VPS13B: variants seen among roughly 807,000 people sequenced by gnomAD.
The protein encoded by VPS13B is vacuolar protein sorting 13 homolog B.
Under a neutral mutation model 426.4 loss-of-function variants are expected in VPS13B, and 285 were observed. That is an observed-to-expected ratio of 0.67 (90% CI 0.61 to 0.74). VPS13B has a LOEUF of 0.74. VPS13B is among the 30% of genes least tolerant of loss of function. VPS13B has a pLI of 0.00. For missense variants in VPS13B, 4,537 were observed against 4,782.6 expected (o/e 0.95, Z 1.51); for synonymous variants, 1,676 against 1,676.4 (o/e 1.00, Z 0.01).
At chr8:99,537,253 G>A (rs1000972532) in intron 30 of VPS13B, among the ~76,000 whole-genome samples, 1 of 152,068 alleles carries the variant, frequency 6.6e-6, no homozygotes, top group Non-Finnish European at 1.5e-5. Flanking sequence ...CCAAGTTAAA[G>A]TATAGGCATG....
intron 19 of VPS13B, among the ~76,000 whole-genome samples, chr8:99,320,390 A>G (rs1809913984): frequency 1.3e-5 from 2 of 152,176 alleles, no homozygotes; most frequent in African/African-American, 2.4e-5. Context: ...ATACAACATC[A>G]GTAATTTCTT....
At chr8:99,858,048 C>T (rs1288014606) in intron 56 of VPS13B, among the ~76,000 whole-genome samples, 3 of 152,212 alleles carry the variant, frequency 2.0e-5, no homozygotes, top group South Asian at 4.1e-4. Flanking sequence ...CCCCTCAGAT[C>T]GCTGAGCTGA....
At chr8:99,151,343 G>C (rs1326621901) in intron 14 of VPS13B, among the ~76,000 whole-genome samples, 1 of 151,968 alleles carries the variant, frequency 6.6e-6, no homozygotes, top group African/African-American at 2.4e-5. Context: ...TAATTTTCCT[G>C]TATTTTGCAG....
chr8:99,342,137 A>G (rs537309732), intron 19 of VPS13B, among the ~76,000 whole-genome samples: 2 of 152,362 alleles, frequency 1.3e-5, no homozygotes, highest in East Asian at 1.9e-4. Flanking sequence ...TCATAATTGT[A>G]TACATATATG....
chr8:99,151,091 T>C (rs893403370), intron 14 of VPS13B, among the ~76,000 whole-genome samples: 1 of 149,690 alleles, frequency 6.7e-6, no homozygotes, highest in Non-Finnish European at 1.5e-5. Flanking sequence ...ACATGTGTAA[T>C]GGTGTCTTAT....
chr8:99,761,055 G>C (rs1023572663), intron 39 of VPS13B, among the ~76,000 whole-genome samples: 1 of 152,006 alleles, frequency 6.6e-6, no homozygotes, highest in Non-Finnish European at 1.5e-5. Flanking sequence ...CTTATAATGG[G>C]AAAAAAGAAT....
Position 99,384,197 on chromosome 8 carries a change from T to G in VPS13B, c.2825-11T>G. On this transcript the variant is annotated splice_polypyrimidine_tract_variant and intron_variant, in intron 19 of 61. Transcript: ENST00000357162. ...GGACTTATGTAACAGTTTAAAAATCTTGTCTTTTAGGTGCTGTACTTCTTT... is the reference window on the plus strand; with the variant it reads ...GGACTTATGTAACAGTTTAAAAATCGTGTCTTTTAGGTGCTGTACTTCTTT... The G allele has an allele frequency of 6.2e-7, 1 of 1,608,948 alleles. No homozygotes were observed. Among genetic ancestry groups the G allele is most frequent in the Non-Finnish European group, 8.5e-7 (1 of 1,175,472 alleles).
intron 17 of VPS13B, among the ~76,000 whole-genome samples, chr8:99,196,577 T>C (rs992709568): frequency 2.0e-5 from 3 of 150,988 alleles, no homozygotes; most frequent in Non-Finnish European, 4.4e-5. Flanking sequence ...GTAACTGAGA[T>C]TATAGGCACG....
intron 8 of VPS13B, among the ~76,000 whole-genome samples, chr8:99,128,456 G>A (rs1489943976): frequency 2.2e-5 from 3 of 135,028 alleles, no homozygotes; most frequent in African/African-American, 8.4e-5. Flanking sequence ...CTTAGAAATT[G>A]CCTGGTATGT....
chr8:99,318,180 C>G (rs1351122246), intron 19 of VPS13B, among the ~76,000 whole-genome samples: 1 of 152,026 alleles, frequency 6.6e-6, no homozygotes, highest in Non-Finnish European at 1.5e-5. Context: ...TATAAACAAC[C>G]AAAAGACTAT....
intron 39 of VPS13B, among the ~76,000 whole-genome samples, chr8:99,763,492 C>T (rs1030682681): frequency 3.9e-5 from 6 of 152,176 alleles, no homozygotes; most frequent in Admixed American, 3.9e-4. Context: ...ATAACTATAA[C>T]ATGAAGTATA....
At chr8:99,507,823 G>C (rs749947829) in intron 28 of VPS13B, 1 of 1,613,920 alleles carries the variant, frequency 6.2e-7, no homozygotes, top group Non-Finnish European at 8.5e-7. Flanking sequence ...TTCCTTTCCT[G>C]TACTGACAAG....
intron 3 of VPS13B, among the ~76,000 whole-genome samples, chr8:99,059,519 G>T (rs1844063954): frequency 1.3e-5 from 2 of 152,042 alleles, no homozygotes; most frequent in Admixed American, 6.6e-5. Context: ...GATACAGTCT[G>T]CCCTCTGTAC....
intron 17 of VPS13B, among the ~76,000 whole-genome samples, chr8:99,198,169 AC>A (rs1420898796): frequency 6.6e-6 from 1 of 152,156 alleles, no homozygotes; most frequent in Non-Finnish European, 1.5e-5. Context: ...TCAAAATCTT[AC>A]CTTTTTGATG....
At chr8:99,714,929 T>G (rs1832852488) in intron 36 of VPS13B, among the ~76,000 whole-genome samples, 1 of 152,138 alleles carries the variant, frequency 6.6e-6, no homozygotes, top group Non-Finnish European at 1.5e-5. Context: ...TGGCAAAAAT[T>G]TAAAAAGATG....
intron 16 of VPS13B, among the ~76,000 whole-genome samples, chr8:99,188,025 C>G (rs996292870): frequency 6.7e-6 from 1 of 148,670 alleles, no homozygotes; most frequent in African/African-American, 2.5e-5. Context: ...CAGGGGTGAC[C>G]CTAGGCTTTT....
Position 99,808,445 on chromosome 8 carries a change from C to T in VPS13B, c.7942-930C>T, listed in dbSNP as rs1014476194. Among the ~76,000 whole-genome samples the T allele has an allele frequency of 2.1e-5, 3 of 145,188 alleles. No homozygotes were observed. In the East Asian group the frequency reaches 6.0e-4, roughly 29 times the overall value. ...GCAAGAGAATCGCTTGAACCCAGGACGTGGAGGTTGCAGTGAGCTGAGATC... is the reference window on the plus strand; with the variant it reads ...GCAAGAGAATCGCTTGAACCCAGGATGTGGAGGTTGCAGTGAGCTGAGATC... On this transcript the variant is annotated intron_variant, in intron 43 of 61. Coordinates refer to ENST00000357162, the MANE Select transcript of VPS13B (RefSeq NM_152564.5).
At chr8:99,167,693 G>A (rs1484603481) in intron 15 of VPS13B, among the ~76,000 whole-genome samples, 2 of 151,992 alleles carry the variant, frequency 1.3e-5, no homozygotes, top group African/African-American at 4.8e-5. Flanking sequence ...TCTTGATGAT[G>A]TATTCATTTT....
intron 24 of VPS13B, among the ~76,000 whole-genome samples, chr8:99,473,559 A>T (rs1819526345): frequency 6.6e-6 from 1 of 152,160 alleles, no homozygotes; most frequent in African/African-American, 2.4e-5. Context: ...GGTAAATATC[A>T]TACGTAATGG....
Sources: allele counts gnomAD v4.1 joint callset (sites outside exome capture counted in the v4.1 genomes callset), GRCh38; gene constraint gnomAD v4.1.1; transcripts MANE v1.5; gene names NCBI Gene and HGNC (gene_info 2026-07-23, HGNC 2026-07-21).